SYNE3: variants seen among roughly 807,000 people sequenced by gnomAD.
SYNE3 encodes spectrin repeat containing nuclear envelope family member 3.
A neutral mutation model predicts 111.2 loss-of-function variants in SYNE3; 100 were observed. That is an observed-to-expected ratio of 0.90 (90% confidence interval 0.77 to 1.06). The LOEUF (loss-of-function observed/expected upper bound fraction) is 1.06. Among genes scored for constraint, SYNE3 ranks in the 50% least tolerant of loss-of-function variants. The pLI, the probability that SYNE3 is intolerant of heterozygous loss-of-function variation, is 0.00. For synonymous variants in SYNE3, 547 were observed against 533.9 expected, an observed-to-expected ratio of 1.02 and a Z score of -0.34; for missense variants, 1,160 against 1,240.3, an observed-to-expected ratio of 0.94 and a Z score of 0.97.
Position 95,417,804 on chromosome 14 carries a change from G to T in SYNE3, c.*22C>A. 2 of 1,613,650 alleles carry T rather than the reference G, an allele frequency of 1.2e-6. No homozygotes were observed. The highest frequency in any genetic ancestry group is 1.7e-6 in the Non-Finnish European group (2 of 1,179,514). On this transcript the variant is annotated 3_prime_UTR_variant, in exon 18 of 18. Transcript: ENST00000682763. ...GGACTGATGGAGGTTGGAGGAGAAA[G>T]TCACCTGTGTGCCCCAGTGGGTTAG...
Position 95,514,389 on chromosome 14 carries a change from G to A in SYNE3, c.-15+2207C>T, listed in dbSNP as rs373564340. Among the ~76,000 whole-genome samples the A allele has an allele frequency of 4.4e-4, 67 of 152,292 alleles. 1 individual carries two copies. In the East Asian group the frequency reaches 8.3e-3, roughly 19 times the overall value. ...GCTTTCAGTGCTGGGAGGACCATGA[G>A]GGGGGTGAGCCAGGACTACCCACCA... On this transcript the variant is annotated intron_variant, in intron 1 of 17. Transcript: ENST00000682763.
rs1890286288 is a variant in SYNE3 at position 95,500,277 on chromosome 14, C to T, written c.-15+16319G>A. Among the ~76,000 whole-genome samples the T allele has an allele frequency of 6.6e-6, 1 of 152,204 alleles. No individual in the cohort carries two copies. Among genetic ancestry groups the T allele is most frequent in the Non-Finnish European group, 1.5e-5 (1 of 68,030 alleles). On this transcript the variant is annotated intron_variant, in intron 1 of 17. Transcript: ENST00000682763. The surrounding 1 kb of genome is among the most constrained non-coding windows in gnomAD (Gnocchi z 4.7). ...CAGGCTGTACAGGTTATAATTAGTA[C>T]CTGCTTGTTCCTGCCAGAACTTTGA...
chr14:95,438,896 A>T (rs1267423515), intron 14 of SYNE3, 137 bp downstream of exon 14: 4 of 1,242,812 alleles, frequency 3.2e-6, no homozygotes, highest in Non-Finnish European at 1.1e-6. Flanking sequence ...GGCAGGCTCA[A>T]ATGAGACAGG....
Position 95,416,814 on chromosome 14 carries a change from G to A in SYNE3, c.*1012C>T, listed in dbSNP as rs1052848003. 2 of 152,352 alleles carry A rather than the reference G, an allele frequency of 1.3e-5. No individual in the cohort carries two copies. Among genetic ancestry groups the A allele is most frequent in the African/African-American group, 2.4e-5 (1 of 41,478 alleles). 9.4% of individuals were successfully genotyped at this position (152,352 alleles called of 1,614,324 possible). ...TCGATCCCTGGCCCCTGGCGTGGCA[G>A]ATGCTTCCCTTCTCACCTGCAGCTC... On this transcript the variant is annotated 3_prime_UTR_variant, in exon 18 of 18. Coordinates refer to ENST00000682763, the MANE Select transcript of SYNE3 (RefSeq NM_152592.6).
intron 11 of SYNE3, among the ~76,000 whole-genome samples, chr14:95,441,839 G>A (rs1595194350): frequency 6.6e-6 from 1 of 152,360 alleles, no homozygotes; most frequent in South Asian, 2.1e-4. Context: ...AAACTGGTGG[G>A]GAGGGTTTGC....
intron 2 of SYNE3, among the ~76,000 whole-genome samples, chr14:95,474,369 A>C (rs1028385875): frequency 2.0e-5 from 3 of 152,168 alleles, no homozygotes; most frequent in Admixed American, 1.3e-4. Flanking sequence ...GATTGTTTGC[A>C]TACGTGTCTC....
At chr14:95,422,953 C>T (rs903266806) in intron 17 of SYNE3, among the ~76,000 whole-genome samples, 1 of 152,210 alleles carries the variant, frequency 6.6e-6, no homozygotes, top group African/African-American at 2.4e-5. Flanking sequence ...GGCCCTGCCA[C>T]TTCTGACTTG....
At position 95,474,301 on chromosome 14, in the gene SYNE3, A is replaced by G. The variant is rs151297178; in HGVS notation, c.144+1377T>C. On this transcript the variant is annotated intron_variant, in intron 2 of 17. Transcript: ENST00000682763. ...CCACGGAAGGTTTTAGAGGAAGAGA[A>G]TAACATCATGGGACCCACGTTAGGG... 5.2e-3 allele frequency among the ~76,000 whole-genome samples: 785 copies of G among 152,340 alleles called. 4 individuals are homozygous for G. Among genetic ancestry groups the G allele is most frequent in the Middle Eastern group, 0.014 (4 of 294 alleles).
intron 1 of SYNE3, among the ~76,000 whole-genome samples, chr14:95,497,745 AAATGAGCATGACTGCGTTCC>A (rs139139133): frequency 0.087 from 13,249 of 152,212 alleles, 631 homozygotes; most frequent in African/African-American, 0.099. Flanking sequence ...GCATGTAAAT[AAATGAGCATGACTGCGTTCC>A]AACAAAACTT....
At chr14:95,441,284 G>C (rs1886400496) in intron 11 of SYNE3, among the ~76,000 whole-genome samples, 1 of 152,226 alleles carries the variant, frequency 6.6e-6, no homozygotes, top group Admixed American at 6.5e-5. Flanking sequence ...ATGAGGGCCT[G>C]AGAAGTTATC....
intron 1 of SYNE3, among the ~76,000 whole-genome samples, chr14:95,482,262 T>C (rs1889306787): frequency 6.6e-6 from 1 of 152,138 alleles, no homozygotes; most frequent in Non-Finnish European, 1.5e-5. Flanking sequence ...GGTGAAACCC[T>C]GTCTCTACTA....
rs1903591616 is a variant in SYNE3 at position 95,416,677 on chromosome 14, C to T, written c.*1149G>A. 6.6e-6 allele frequency: 1 copy of T among 152,274 alleles called. No homozygotes were observed. The highest frequency in any genetic ancestry group is 6.5e-5 in the Admixed American group (1 of 15,288). The allele number at this position is 152,274 out of a possible 1,614,324, so 9.4% of individuals were successfully genotyped here. Reference sequence around the variant, plus strand: ...TCCCATATGGGGATGCACATGAGACCTTCTTGGCCCCATAGACCTGCTGTC... The same window carrying T: ...TCCCATATGGGGATGCACATGAGACTTTCTTGGCCCCATAGACCTGCTGTC... On this transcript the variant is annotated 3_prime_UTR_variant, in exon 18 of 18. Coordinates refer to ENST00000682763, the MANE Select transcript of SYNE3 (RefSeq NM_152592.6).
chr14:95,483,742 C>T (rs927120469), intron 1 of SYNE3, among the ~76,000 whole-genome samples: 3 of 152,202 alleles, frequency 2.0e-5, no homozygotes, highest in Non-Finnish European at 2.9e-5. Flanking sequence ...GGCTTCATTC[C>T]GCCTTAGAGG....
rs1204176031 is a variant in SYNE3, at chr14:95,440,070, A to G, written c.1917T>C (p.Leu639=). 10 of 1,601,660 alleles carry G rather than the reference A, an allele frequency of 6.2e-6. No individual in the cohort carries two copies. In the Middle Eastern group the frequency reaches 6.9e-4, roughly 110 times the overall value. The change falls in exon 12 of 18, where the codon CTT becomes CTC. Residue 639 remains leucine (L), a synonymous_variant. Transcript: ENST00000682763. ...GCACACTCTGCCGACACCTGTCCAC[A>G]AGGTCCTGCAGCACAGCCCGGGGAG... ...FQALQRSLED[L]VDRCRQSVQE... is the part of the protein sequence containing the mutation.
At chr14:95,467,100 A>C (rs4900272) in intron 3 of SYNE3, among the ~76,000 whole-genome samples, 105,213 of 151,562 alleles carry the variant, frequency 0.69, 36,745 homozygotes, top group African/African-American at 0.76. Context: ...TCACTGTGTT[A>C]GGAATTTCCA....
At chr14:95,444,713 C>G in intron 9 of SYNE3, 85 bp from the exon 10 acceptor site, 1 of 1,457,898 alleles carries the variant, frequency 6.9e-7, no homozygotes, top group South Asian at 1.5e-5. Context: ...AGCCAGGCTG[C>G]TCTTCGTCTC....
rs1255191720 is a variant in SYNE3, at chr14:95,444,521, G to T, written c.1740C>A (p.Asp580Glu). 3 of 1,613,172 alleles carry T rather than the reference G, an allele frequency of 1.9e-6. No homozygotes were observed. Among genetic ancestry groups the T allele is most frequent in the South Asian group, 1.1e-5 (1 of 91,044 alleles). ...RVQAEKGLQRDLPGKQAQLSR... is the reference protein window; with the variant it reads ...RVQAEKGLQRELPGKQAQLSR... ...AGAGCTGGGCCTGTTTTCCAGGAAGGTCCCGCTGAAGCCCCTTCTCGGCTT... is the reference window on the plus strand; with the variant it reads ...AGAGCTGGGCCTGTTTTCCAGGAAGTTCCCGCTGAAGCCCCTTCTCGGCTT... Residue 580 changes from aspartate (D) to glutamate (E), a missense_variant, in exon 10 of 18, where the codon GAC becomes GAA. Transcript: ENST00000682763.
chr14:95,481,674 C>T (rs1446349333), intron 1 of SYNE3, among the ~76,000 whole-genome samples: 1 of 152,206 alleles, frequency 6.6e-6, no homozygotes, highest in Non-Finnish European at 1.5e-5. Context: ...GTCAGCTCTC[C>T]TGTGACCCAG....
intron 4 of SYNE3, 127 bp downstream of exon 4, chr14:95,465,804 T>C: frequency 9.7e-7 from 1 of 1,032,782 alleles, no homozygotes; most frequent in Non-Finnish European, 1.4e-6. Flanking sequence ...GATGGATTGA[T>C]AGTAGAAAGA....
Sources: gnomAD v4.1 joint callset for allele counts (sites outside exome capture counted in the v4.1 genomes callset) on GRCh38, gnomAD v4.1.1 for gene constraint, Gnocchi (gnomAD v3.1) non-coding constraint, MANE v1.5 for transcripts, NCBI Gene and HGNC (gene_info 2026-07-23, HGNC 2026-07-21) for gene names.